AGTPBP1: variants seen among roughly 807,000 people sequenced by gnomAD.
AGTPBP1 encodes the protein cytosolic carboxypeptidase 1.
Under a neutral mutation model 143.9 loss-of-function variants are expected in AGTPBP1, and 70 were observed. The observed-to-expected ratio is 0.49, with a 90% CI of 0.40 to 0.59. The LOEUF is 0.59. Among genes scored for constraint, AGTPBP1 ranks in the 20% least tolerant of loss-of-function variants. The pLI, the probability that AGTPBP1 is intolerant of heterozygous loss-of-function variation, is 0.00. For synonymous variants in AGTPBP1, 463 were observed against 500.2 expected, an observed-to-expected ratio of 0.93 and a Z score of 0.99; for missense variants, 1,229 against 1,464.5, an observed-to-expected ratio of 0.84 and a Z score of 2.62.
At chr9:85,660,038 T>C (rs1184419245) in intron 9 of AGTPBP1, among the ~76,000 whole-genome samples, 1 of 151,976 alleles carries the variant, frequency 6.6e-6, no homozygotes, top group Non-Finnish European at 1.5e-5. Flanking sequence ...ATTTAATAAA[T>C]CATTACCAAA....
chr9:85,626,350 T>C (rs1831294788), intron 14 of AGTPBP1, among the ~76,000 whole-genome samples: 2 of 152,216 alleles, frequency 1.3e-5, no homozygotes, highest in South Asian at 4.1e-4. Context: ...AATCAGGATA[T>C]TTTCACTGAA....
intron 10 of AGTPBP1, among the ~76,000 whole-genome samples, chr9:85,656,300 C>A (rs1833506710): frequency 6.6e-6 from 1 of 152,132 alleles, no homozygotes; most frequent in Non-Finnish European, 1.5e-5. Flanking sequence ...TCACATCTGA[C>A]CTGTCAAAAC....
the AGTPBP1 span, among the ~76,000 whole-genome samples, chr9:85,794,699 A>G: frequency 6.6e-6 from 1 of 152,160 alleles, no homozygotes; most frequent in Admixed American, 6.5e-5. Flanking sequence ...TGGAATTTTG[A>G]TAGGAATTGC....
intron 4 of AGTPBP1, among the ~76,000 whole-genome samples, chr9:85,680,839 T>C (rs73478985): frequency 0.059 from 8,915 of 152,252 alleles, 911 homozygotes; most frequent in African/African-American, 0.2. Context: ...CAATATAATA[T>C]AGTTAACCAA....
the AGTPBP1 span, among the ~76,000 whole-genome samples, chr9:85,789,597 G>C: frequency 6.6e-6 from 1 of 152,116 alleles, no homozygotes; most frequent in Admixed American, 6.6e-5. Context: ...ATTGATGAAG[G>C]TGCTTTTGTG....
At position 85,595,079 on chromosome 9, in the gene AGTPBP1, C is replaced by T. The variant is rs35800466; in HGVS notation, c.2423+1283G>A. Among the ~76,000 whole-genome samples, 1,008 of 152,206 alleles carry T rather than the reference C, an allele frequency of 6.6e-3. 5 individuals carry two copies. The highest frequency in any genetic ancestry group is 0.011 in the Non-Finnish European group (746 of 67,988). ...ATGGTGCAGATGAATTACATATTAC[C>T]TTTACTTCTGTTTCTCATTTATTTG... On this transcript the variant is annotated intron_variant, in intron 18 of 25. Coordinates refer to ENST00000357081, the MANE Select transcript of AGTPBP1 (RefSeq NM_001330701.2).
chr9:85,762,197 G>C, the AGTPBP1 span, among the ~76,000 whole-genome samples: 2 of 152,234 alleles, frequency 1.3e-5, no homozygotes, highest in African/African-American at 4.8e-5. Context: ...TTCAACCATT[G>C]TGGAAGACAG....
At chr9:85,794,193 G>A in the AGTPBP1 span, among the ~76,000 whole-genome samples, 2 of 152,158 alleles carry the variant, frequency 1.3e-5, no homozygotes, top group African/African-American at 4.8e-5. Context: ...CTCTTCTAAT[G>A]TATGCATGCC....
intron 22 of AGTPBP1, among the ~76,000 whole-genome samples, chr9:85,586,493 C>A (rs1038339749): frequency 6.6e-6 from 1 of 152,058 alleles, no homozygotes; most frequent in Admixed American, 6.5e-5. Flanking sequence ...TACTACATTT[C>A]CCCTGTGTGT....
intron 11 of AGTPBP1, among the ~76,000 whole-genome samples, chr9:85,653,266 G>A (rs1364764607): frequency 6.6e-6 from 1 of 151,830 alleles, no homozygotes; most frequent in Non-Finnish European, 1.5e-5. Context: ...ATGGAAAACA[G>A]AATGAGAGTA....
chr9:85,607,114 C>T (rs1240065834), intron 17 of AGTPBP1, among the ~76,000 whole-genome samples: 1 of 151,912 alleles, frequency 6.6e-6, no homozygotes, highest in Non-Finnish European at 1.5e-5. Flanking sequence ...CCTAAATACC[C>T]TGACTTGATT....
intron 17 of AGTPBP1, among the ~76,000 whole-genome samples, chr9:85,613,881 A>G (rs2133461339): frequency 6.6e-6 from 1 of 152,206 alleles, no homozygotes; most frequent in Middle Eastern, 3.4e-3. Flanking sequence ...GCTGTATCAT[A>G]AAAGATCAAT....
chr9:85,736,844 C>T (rs772089843), intron 1 of AGTPBP1, among the ~76,000 whole-genome samples: 4 of 152,248 alleles, frequency 2.6e-5, no homozygotes, highest in Admixed American at 6.5e-5. Flanking sequence ...CCATGGCTCA[C>T]GCCTCTAATC....
In AGTPBP1 at chr9:85,646,411, G is replaced by A. The variant is rs769253765; in HGVS notation, c.1095C>T (p.Asp365=). 11 of 1,611,592 alleles carry A rather than the reference G, an allele frequency of 6.8e-6. 1 individual carries two copies. The highest frequency in any genetic ancestry group is 2.2e-5 in the East Asian group (1 of 44,752). ...CGTTGTCATCACTTTCATCTACTAC[G>A]TCATCCACTATGATACAAAATGTGC... is the stretch of plus-strand genomic sequence containing the variant. ...QLYSLPPEVD[D]VVDESDDNDD... is the part of the protein sequence containing the mutation. The change falls in exon 12 of 26, where the codon GAC becomes GAT. Residue 365 remains aspartate, a synonymous_variant. Coordinates refer to ENST00000357081, the MANE Select transcript of AGTPBP1 (RefSeq NM_001330701.2).
intron 17 of AGTPBP1, among the ~76,000 whole-genome samples, chr9:85,603,732 C>T (rs1479689699): frequency 2.0e-5 from 3 of 152,140 alleles, no homozygotes; most frequent in Non-Finnish European, 1.5e-5. Flanking sequence ...CGGGACCTGC[C>T]CCAGGCCAGA....
intron 11 of AGTPBP1, among the ~76,000 whole-genome samples, chr9:85,651,868 A>C (rs980390249): frequency 2.0e-5 from 3 of 152,222 alleles, no homozygotes; most frequent in African/African-American, 7.2e-5. Context: ...CACACAATCT[A>C]ATGGATGCTG....
chr9:85,691,335 GT>G (rs1835860777), intron 3 of AGTPBP1, among the ~76,000 whole-genome samples: 2 of 152,078 alleles, frequency 1.3e-5, no homozygotes, highest in African/African-American at 4.8e-5. Context: ...AAGAAGAAGG[GT>G]TAATAGACAC....
At chr9:85,723,484 G>A (rs895920302) in intron 1 of AGTPBP1, among the ~76,000 whole-genome samples, 1 of 152,216 alleles carries the variant, frequency 6.6e-6, no homozygotes, top group Non-Finnish European at 1.5e-5. Context: ...CTCCATGGGC[G>A]TGAGACCTGC....
intron 6 of AGTPBP1, among the ~76,000 whole-genome samples, chr9:85,676,847 T>C (rs552462524): frequency 4.6e-5 from 7 of 152,328 alleles, no homozygotes; most frequent in Admixed American, 2.6e-4. Context: ...AATAGAATAC[T>C]ATTCAACCAT....
Sources: gnomAD v4.1 joint callset for allele counts (sites outside exome capture counted in the v4.1 genomes callset) on GRCh38, gnomAD v4.1.1 for gene constraint, MANE v1.5 for transcripts, NCBI Gene and HGNC (gene_info 2026-07-23, HGNC 2026-07-21) for gene names.